ACTR3B: variants seen among roughly 807,000 people sequenced by gnomAD.
ACTR3B encodes the protein actin related protein 3B.
ACTR3B carries 8 observed loss-of-function variants against 59.0 expected under a neutral mutation model. The observed-to-expected ratio is 0.14, with a 90% CI of 0.08 to 0.24. ACTR3B has a LOEUF of 0.24. ACTR3B is among the 10% of genes least tolerant of loss of function. The probability of loss-of-function intolerance (pLI) is 1.00; values close to 1 mark genes in which losing one functional copy is unlikely to be tolerated. For missense variants in ACTR3B, 245 were observed against 552.3 expected, an observed-to-expected ratio of 0.44 and a Z score of 5.58; for synonymous variants, 148 against 197.9, an observed-to-expected ratio of 0.75 and a Z score of 2.12.
chr7:152,772,910 G>A (rs1409977648), intron 1 of ACTR3B, among the ~76,000 whole-genome samples: 1 of 151,890 alleles, frequency 6.6e-6, no homozygotes, highest in African/African-American at 2.4e-5. Context: ...ATTAGGTTAG[G>A]TTTGGGCTGG....
intron 2 of ACTR3B, among the ~76,000 whole-genome samples, chr7:152,787,683 A>C (rs2098179207): frequency 1.3e-5 from 2 of 152,076 alleles, no homozygotes; most frequent in Admixed American, 1.3e-4. Context: ...GATCATATCG[A>C]GGTACCATTT....
chr7:152,771,983 T>G (rs914335461), intron 1 of ACTR3B, among the ~76,000 whole-genome samples: 20 of 152,132 alleles, frequency 1.3e-4, no homozygotes, highest in Admixed American at 7.2e-4. Flanking sequence ...GAGAATCGCT[T>G]GAACCTGGGA....
At chr7:152,852,399 CCATGGAGGTTTG>C (rs1385602405) in intron 10 of ACTR3B, 148 bp downstream of exon 10, 22 of 1,081,524 alleles carry the variant, frequency 2.0e-5, no homozygotes, top group Non-Finnish European at 2.7e-5. Flanking sequence ...TGTGACATGA[CCATGGAGGTTTG>C]CTGCCTGAGG....
At chr7:152,794,168 T>C (rs1181775185) in intron 2 of ACTR3B, among the ~76,000 whole-genome samples, 2 of 152,238 alleles carry the variant, frequency 1.3e-5, no homozygotes, top group Non-Finnish European at 2.9e-5. Context: ...AAAAGAAGTA[T>C]ACTTTGTGTG....
At chr7:152,847,873 C>A (rs539505955) in intron 9 of ACTR3B, among the ~76,000 whole-genome samples, 60 of 152,282 alleles carry the variant, frequency 3.9e-4, no homozygotes, top group Non-Finnish European at 6.9e-4. Flanking sequence ...CCTCCTTCAC[C>A]CATCCCTACA....
intron 1 of ACTR3B, among the ~76,000 whole-genome samples, chr7:152,762,864 A>G (rs1319295730): frequency 2.0e-5 from 3 of 152,174 alleles, no homozygotes; most frequent in African/African-American, 4.8e-5. Flanking sequence ...ATTTGTCAGG[A>G]CTACCACAGA....
intron 4 of ACTR3B, among the ~76,000 whole-genome samples, chr7:152,804,272 T>C (rs1174169303): frequency 6.6e-6 from 1 of 152,216 alleles, no homozygotes; most frequent in Non-Finnish European, 1.5e-5. Flanking sequence ...GAGTGGAAAC[T>C]GAATTAGAAC....
At chr7:152,835,812 T>G (rs1797407420) in intron 9 of ACTR3B, among the ~76,000 whole-genome samples, 3 of 152,224 alleles carry the variant, frequency 2.0e-5, no homozygotes, top group Non-Finnish European at 4.4e-5. Context: ...TTATTTATAC[T>G]TAATAGTTCT....
intron 9 of ACTR3B, among the ~76,000 whole-genome samples, chr7:152,845,305 T>A (rs1201844241): frequency 6.6e-6 from 1 of 152,214 alleles, no homozygotes; most frequent in East Asian, 1.9e-4. Flanking sequence ...GAGTACTTTC[T>A]GAGCTCATGA....
chr7:152,771,415 T>G (rs1038285795), intron 1 of ACTR3B, among the ~76,000 whole-genome samples: 2 of 152,188 alleles, frequency 1.3e-5, no homozygotes, highest in Admixed American at 6.5e-5. Flanking sequence ...AAAACTAAAA[T>G]CATTTCAGGA....
Position 152,854,757 on chromosome 7 carries a change from C to A in ACTR3B, c.*204C>A. ...CCGACCGCTGTCTGCCAGCCTCCTC[C>A]TTCTCCCGCCCTCCTCACCCTCGCT... On this transcript the variant is annotated 3_prime_UTR_variant, in exon 12 of 12. Transcript: ENST00000256001. This position sits in a 1 kb window ranked among gnomAD's most constrained non-coding sequence, Gnocchi z 4.9. 1.9e-6 allele frequency: 1 copy of A among 532,912 alleles called. No individual in the cohort carries two copies. The allele number at this position is 532,912 out of a possible 1,614,324, so 33.0% of individuals were successfully genotyped here. A position where few individuals can be genotyped will look rare whatever the true frequency, so the allele number is the denominator to read the frequency against.
intron 1 of ACTR3B, among the ~76,000 whole-genome samples, chr7:152,768,329 A>G (rs1040255533): frequency 5.3e-5 from 8 of 152,230 alleles, no homozygotes; most frequent in African/African-American, 1.9e-4. Flanking sequence ...TGCAGAGGCC[A>G]TTACCTCCAA....
At position 152,789,613 on chromosome 7, in the gene ACTR3B, A is replaced by G. The variant is rs138382968; in HGVS notation, c.100+6371A>G. 5.3e-3 allele frequency among the ~76,000 whole-genome samples: 803 copies of G among 151,122 alleles called. 6 individuals carry two copies. Among genetic ancestry groups the G allele is most frequent in the Non-Finnish European group, 9.3e-3 (629 of 67,904 alleles). ...TTATTTAACAGTCTGCAGATTCTTT[A>G]AAGTTTTCTATGCAGACTATTGTAT... On this transcript the variant is annotated intron_variant, in intron 2 of 11. Coordinates refer to ENST00000256001, the MANE Select transcript of ACTR3B (RefSeq NM_020445.6).
intron 9 of ACTR3B, among the ~76,000 whole-genome samples, chr7:152,836,351 A>G (rs1797456352): frequency 6.6e-6 from 1 of 151,962 alleles, no homozygotes; most frequent in Non-Finnish European, 1.5e-5. Flanking sequence ...TAATCCCATC[A>G]CTTCGGGAGG....
intron 1 of ACTR3B, among the ~76,000 whole-genome samples, chr7:152,777,313 A>G (rs954861625): frequency 5.9e-5 from 9 of 152,196 alleles, no homozygotes; most frequent in Non-Finnish European, 1.3e-4. Context: ...TTGACCAGAA[A>G]ACAAAAAACA....
chr7:152,790,243 T>G (rs1486736550), intron 2 of ACTR3B, among the ~76,000 whole-genome samples: 35 of 152,398 alleles, frequency 2.3e-4, no homozygotes, highest in African/African-American at 7.5e-4. Flanking sequence ...TCCTCCCACC[T>G]TGGTCTCTCA....
At chr7:152,822,578 C>T (rs1417099432) in intron 7 of ACTR3B, among the ~76,000 whole-genome samples, 3 of 152,236 alleles carry the variant, frequency 2.0e-5, no homozygotes, top group South Asian at 2.1e-4. Flanking sequence ...TCCCCGGGAC[C>T]TATCACTTTA....
intron 9 of ACTR3B, among the ~76,000 whole-genome samples, chr7:152,850,589 C>G (rs941703467): frequency 2.0e-5 from 3 of 152,268 alleles, no homozygotes; most frequent in African/African-American, 7.2e-5. Flanking sequence ...TTCACCATCT[C>G]TAATCCTGAG....
chr7:152,796,882 T>G (rs1469807618), intron 2 of ACTR3B, among the ~76,000 whole-genome samples: 85 of 124,566 alleles, frequency 6.8e-4, no homozygotes, highest in Middle Eastern at 3.8e-3. Flanking sequence ...TTTTTTTTTT[T>G]TTTTTTTTTT....
Sources: gnomAD v4.1 joint callset for allele counts (sites outside exome capture counted in the v4.1 genomes callset) on GRCh38, gnomAD v4.1.1 for gene constraint, Gnocchi (gnomAD v3.1) non-coding constraint, MANE v1.5 for transcripts, NCBI Gene and HGNC (gene_info 2026-07-23, HGNC 2026-07-21) for gene names.